The following COL5A3 variants were observed in gnomAD, a reference collection of about 807,000 sequenced individuals.
COL5A3 encodes the protein collagen alpha-3(V) chain.
COL5A3 carries 172 observed loss-of-function variants against 250.0 expected under a neutral mutation model. The observed-to-expected ratio is 0.69, with a 90% confidence interval of 0.61 to 0.78. The LOEUF (loss-of-function observed/expected upper bound fraction) is 0.78. Ranked by LOEUF, COL5A3 falls within the 30% of genes least tolerant of loss-of-function variation. The pLI is 0.00. For missense variants in COL5A3, 2,340 were observed against 2,334.4 expected (o/e 1.00, Z -0.05); for synonymous variants, 937 against 900.4 (o/e 1.04, Z -0.73).
At chr19:9,974,452 G>A in intron 45 of COL5A3, 44 bp from the exon 46 acceptor site, 1 of 1,442,482 alleles carries the variant, frequency 6.9e-7, no homozygotes, top group East Asian at 2.3e-5. Flanking sequence ...CTGGGTCAGT[G>A]ATTAGGGCAG....
At chr19:9,974,111 C>T in intron 47 of COL5A3, 60 bp downstream of exon 47, 2 of 1,570,408 alleles carry the variant, frequency 1.3e-6, no homozygotes, top group Middle Eastern at 1.7e-4. Context: ...AATCTAATGC[C>T]TGCCGCCAAC....
intron 31 of COL5A3, among the ~76,000 whole-genome samples, chr19:9,983,456 C>T (rs936338488): frequency 6.6e-6 from 1 of 151,146 alleles, no homozygotes; most frequent in Non-Finnish European, 1.5e-5. Context: ...TATGATCGCA[C>T]TATTGCACTC....
At position 9,977,293 on chromosome 19, in the gene COL5A3, A is replaced by T. The variant is rs1256665659; in HGVS notation, c.3235-11T>A. 1 of 1,613,936 alleles carries T rather than the reference A, an allele frequency of 6.2e-7. No individual in the cohort carries two copies. Among genetic ancestry groups the T allele is most frequent in the Admixed American group, 1.7e-5 (1 of 60,010 alleles). ...GGCACCCACATCCCCCTGCAGAGGA[A>T]ATGGGATGAAGGACCCAGCTTCCAT... is the stretch of plus-strand genomic sequence containing the variant. On this transcript the variant is annotated splice_polypyrimidine_tract_variant and intron_variant, in intron 43 of 66. Coordinates refer to ENST00000264828, the MANE Select transcript of COL5A3 (RefSeq NM_015719.4).
intron 45 of COL5A3, among the ~76,000 whole-genome samples, chr19:9,974,708 C>T (rs1034252096): frequency 1.3e-5 from 2 of 151,896 alleles, no homozygotes; most frequent in Non-Finnish European, 2.9e-5. Context: ...GGCCCAGGGT[C>T]ATATTCAAAG....
chr19:9,960,089 G>T lies in COL5A3; in HGVS notation c.*322C>A. 1 of 312,542 alleles carries T rather than the reference G, an allele frequency of 3.2e-6. No individual in the cohort carries two copies. The highest frequency in any genetic ancestry group is 5.9e-6 in the Non-Finnish European group (1 of 170,924). 19.4% of individuals were successfully genotyped at this position (312,542 alleles called of 1,614,324 possible). On this transcript the variant is annotated 3_prime_UTR_variant, in exon 67 of 67. Coordinates refer to ENST00000264828, the MANE Select transcript of COL5A3 (RefSeq NM_015719.4). ...AGGCATTGGGGGTGGGGGGGCTTTT[G>T]TTCATCAGCTCTGAGTTAGAAGCTC... is the stretch of plus-strand genomic sequence containing the variant.
At position 9,973,571 on chromosome 19, in the gene COL5A3, G is replaced by A. The variant is rs199593113; in HGVS notation, c.3665C>T (p.Pro1222Leu). 79 of 1,611,730 alleles carry A rather than the reference G, an allele frequency of 4.9e-5. No homozygotes were observed. The highest frequency in any genetic ancestry group is 1.7e-4 in the Middle Eastern group (1 of 5,986). The part of the protein sequence containing the change: ...DPGPPGAPGI[P>L]GPKGDIGEKG... Reference sequence around the variant, plus strand: ...GGACCACATCACACAGTCACTCACCGGGATGCCTGGGGCTCCTGGAGGCCC... The same window carrying A: ...GGACCACATCACACAGTCACTCACCAGGATGCCTGGGGCTCCTGGAGGCCC... The change falls in exon 50 of 67, where the codon CCG (proline) becomes CTG (leucine). Residue 1222 changes from proline to leucine, a missense_variant and splice_region_variant. Coordinates refer to ENST00000264828, the MANE Select transcript of COL5A3 (RefSeq NM_015719.4).
Position 9,968,547 on chromosome 19 carries a change from T to G in COL5A3, c.4207-55A>C. The G allele has an allele frequency of 6.4e-7, 1 of 1,569,712 alleles. No individual in the cohort carries two copies. Among genetic ancestry groups the G allele is most frequent in the Non-Finnish European group, 8.6e-7 (1 of 1,157,104 alleles). Reference sequence around the variant, plus strand: ...AGGACGTGGGAGGATTCAGGGAGGTTTTTCTCCTAGAGCCTTAGGGTGATG... The same window carrying G: ...AGGACGTGGGAGGATTCAGGGAGGTGTTTCTCCTAGAGCCTTAGGGTGATG... On this transcript the variant is annotated intron_variant, in intron 58 of 66. Coordinates refer to ENST00000264828, the MANE Select transcript of COL5A3 (RefSeq NM_015719.4). This position sits in a 1 kb window ranked among gnomAD's most constrained non-coding sequence, Gnocchi z 4.1.
At chr19:9,976,936 C>G (rs2086930296) in intron 44 of COL5A3, among the ~76,000 whole-genome samples, 2 of 152,088 alleles carry the variant, frequency 1.3e-5, no homozygotes, top group Non-Finnish European at 2.9e-5. Context: ...CGCAGAGTCA[C>G]AGGCAGAGGG....
At chr19:9,992,148 C>T in intron 21 of COL5A3, 100 bp from the exon 22 acceptor site, 1 of 991,408 alleles carries the variant, frequency 1.0e-6, no homozygotes, top group East Asian at 2.4e-5. Context: ...CAGGGCCGGG[C>T]ACTGTGGCTC....
chr19:9,991,598 G>C lies in COL5A3; in HGVS notation c.1992+12C>G. 6.3e-7 allele frequency: 1 copy of C among 1,583,154 alleles called. No individual in the cohort carries two copies. ...ACTTGAGGAGGTCGCGGTAGGTGGA[G>C]CTGTCACTCACCTTCTCCCCAGGAG... On this transcript the variant is annotated intron_variant, in intron 24 of 66. Coordinates refer to ENST00000264828, the MANE Select transcript of COL5A3 (RefSeq NM_015719.4).
chr19:9,995,052 C>T (rs535665722), intron 16 of COL5A3, among the ~76,000 whole-genome samples: 15 of 152,018 alleles, frequency 9.9e-5, no homozygotes, highest in Admixed American at 2.6e-4. Flanking sequence ...GGATTACAGG[C>T]GCACGCTGCC....
chr19:10,004,788 A>G (rs558913638), intron 4 of COL5A3, among the ~76,000 whole-genome samples: 1 of 152,266 alleles, frequency 6.6e-6, no homozygotes, highest in South Asian at 2.1e-4. Flanking sequence ...CCCAGAACAC[A>G]TATCACACAA....
In COL5A3 at chr19:9,967,697, T is replaced by C. The variant is rs1197139627; in HGVS notation, c.4404+207A>G. On this transcript the variant is annotated intron_variant, in intron 61 of 66. Transcript: ENST00000264828. ...TACTTGGCAGAACTGTTTTCTTTCC[T>C]AGCAGTTTGTAAAATAATGGTACAT... 26 of 556,500 alleles carry C rather than the reference T, an allele frequency of 4.7e-5. No homozygotes were observed. The South Asian group carries it at 7.6e-4, about 16-fold the overall frequency. 34.5% of individuals were successfully genotyped at this position (556,500 alleles called of 1,614,324 possible).
chr19:10,005,658 C>T lies in COL5A3; in HGVS notation c.494G>A (p.Cys165Tyr). 4 of 1,614,006 alleles carry T rather than the reference C, an allele frequency of 2.5e-6. No individual in the cohort carries two copies. Among genetic ancestry groups the T allele is most frequent in the East Asian group, 2.2e-5 (1 of 44,866 alleles). ...DGEMVTLVAD[C>Y]EAQPPVLGHG... ...GCCCAAAACAGGGGGCTGAGCTTCACAGTCAGCTACCAGGGTCACCATCTC... is the reference window on the plus strand; with the variant it reads ...GCCCAAAACAGGGGGCTGAGCTTCATAGTCAGCTACCAGGGTCACCATCTC... Residue 165 changes from cysteine to tyrosine, a missense_variant, in exon 4 of 67, where the codon TGT becomes TAT. Physicochemically the swap from Cys to Tyr is radical, Grantham distance 194. This residue lies in a region of COL5A3 where 1,152 missense variants were observed against 1,146.3 expected (regional missense o/e 1.00). Coordinates refer to ENST00000264828, the MANE Select transcript of COL5A3 (RefSeq NM_015719.4).
Position 9,989,084 on chromosome 19 carries a change from A to T in COL5A3, c.2145+40T>A, listed in dbSNP as rs757163067. 1.7e-5 allele frequency: 28 copies of T among 1,605,476 alleles called. No individual in the cohort carries two copies. In the South Asian group the frequency reaches 2.9e-4, roughly 16 times the overall value. ...GAGCTGCATCGCATGCCTGAACCCA[A>T]AGCTGGTAAATCACTCATACCTGCA... On this transcript the variant is annotated intron_variant, in intron 27 of 66. Transcript: ENST00000264828.
At chr19:9,967,873 G>T (rs1599529427) in intron 61 of COL5A3, 31 bp downstream of exon 61, 5 of 1,608,402 alleles carry the variant, frequency 3.1e-6, no homozygotes, top group Admixed American at 3.4e-5. Flanking sequence ...GAGCTGGGAT[G>T]TGTAAGCCCA....
chr19:9,992,404 T>G (rs1181436209), intron 21 of COL5A3, among the ~76,000 whole-genome samples: 1 of 140,462 alleles, frequency 7.1e-6, no homozygotes, highest in Non-Finnish European at 1.6e-5. Context: ...AGCAAAACTC[T>G]GTCTAAAAAA....
chr19:9,970,449 T>TGGGGTCTGTGGGGGGAGG (rs2086825885), intron 54 of COL5A3, among the ~76,000 whole-genome samples, 173 bp downstream of exon 54: 1 of 15,962 alleles, frequency 6.3e-5, no homozygotes, highest in African/African-American at 3.3e-4. Context: ...TGTGGGTGAG[T>TGGGGTCTGTGGGGGGAGG]GGGGTCTGTG....
intron 31 of COL5A3, among the ~76,000 whole-genome samples, chr19:9,983,554 AAGAAAGAAAG>A (rs2087042382): frequency 1.3e-5 from 1 of 75,794 alleles, no homozygotes. Context: ...GAAAGAAAGA[AAGAAAGAAAG>A]AAAGAAAGAA....
Sources: allele counts gnomAD v4.1 joint callset (sites outside exome capture counted in the v4.1 genomes callset), GRCh38; gene constraint gnomAD v4.1.1; regional missense constraint gnomAD v4.1.1; non-coding constraint Gnocchi (gnomAD v3.1); transcripts MANE v1.5; gene names NCBI Gene and HGNC (gene_info 2026-07-23, HGNC 2026-07-21).